Variants in ATP8A2 observed in about 807,000 individuals in gnomAD.
The protein encoded by ATP8A2 is phospholipid-transporting ATPase IB.
In ATP8A2, 100 loss-of-function variants were observed where a neutral mutation model predicts 165.6. The ratio of observed to expected loss-of-function variants is 0.60; its 90% CI spans 0.51 to 0.71. The LOEUF is 0.71. ATP8A2 is among the 30% of genes least tolerant of loss of function. The pLI is 0.00. For missense variants in ATP8A2, 1,227 were observed against 1,479.5 expected (o/e 0.83, Z 2.80); for synonymous variants, 543 against 548.8 (o/e 0.99, Z 0.15).
intron 2 of ATP8A2, among the ~76,000 whole-genome samples, chr13:25,526,381 G>A (rs983649118): frequency 6.6e-6 from 1 of 152,154 alleles, no homozygotes; most frequent in African/African-American, 2.4e-5. Context: ...GTATATGTTT[G>A]CATTGGAGAA....
At chr13:25,873,128 A>T (rs1952722527) in intron 33 of ATP8A2, among the ~76,000 whole-genome samples, 2 of 152,136 alleles carry the variant, frequency 1.3e-5, no homozygotes, top group Non-Finnish European at 2.9e-5. Context: ...CTCAGCCCAG[A>T]TCCTCCAGGT....
chr13:25,893,412 G>A (rs1210904356), intron 33 of ATP8A2, among the ~76,000 whole-genome samples: 1 of 151,356 alleles, frequency 6.6e-6, no homozygotes, highest in Non-Finnish European at 1.5e-5. Context: ...AGTATTCCAT[G>A]GTGTATATGT....
At chr13:25,541,861 TG>T in intron 8 of ATP8A2, 57 bp from the exon 9 acceptor site, 1 of 1,590,654 alleles carries the variant, frequency 6.3e-7, no homozygotes, top group South Asian at 1.1e-5. Context: ...GGATGCTGAA[TG>T]GTGTCCCTAA....
At chr13:25,982,551 T>A (rs1956191133) in intron 35 of ATP8A2, among the ~76,000 whole-genome samples, 1 of 152,224 alleles carries the variant, frequency 6.6e-6, no homozygotes, top group South Asian at 2.1e-4. Context: ...TGAGCTTTTT[T>A]ATTTGATAAC....
chr13:25,475,323 A>T (rs2035963432), intron 2 of ATP8A2, among the ~76,000 whole-genome samples: 1 of 152,138 alleles, frequency 6.6e-6, no homozygotes, highest in Non-Finnish European at 1.5e-5. Context: ...TCTCCCCCTC[A>T]TTCCACATTC....
intron 1 of ATP8A2, among the ~76,000 whole-genome samples, chr13:25,383,470 C>T (rs1566093555): frequency 6.6e-6 from 1 of 152,058 alleles, no homozygotes; most frequent in East Asian, 1.9e-4. Context: ...GATGCCAGTC[C>T]TTTATAAAAA....
intron 35 of ATP8A2, among the ~76,000 whole-genome samples, chr13:25,971,705 A>C: frequency 6.6e-6 from 1 of 152,252 alleles, no homozygotes; most frequent in South Asian, 2.1e-4. Flanking sequence ...CAAAGTGGCC[A>C]CAGAGAGATG....
chr13:25,758,458 CTT>C (rs2044310381), intron 25 of ATP8A2, among the ~76,000 whole-genome samples: 1 of 152,216 alleles, frequency 6.6e-6, no homozygotes, highest in South Asian at 2.1e-4. Flanking sequence ...TCAGATCAGA[CTT>C]TGTCCAAGGA....
At chr13:25,956,653 C>T (rs1299060722) in intron 33 of ATP8A2, among the ~76,000 whole-genome samples, 1 of 152,184 alleles carries the variant, frequency 6.6e-6, no homozygotes, top group East Asian at 1.9e-4. Context: ...ATTCCATGCT[C>T]ATGGATAGGA....
chr13:25,412,134 G>A (rs113846784), intron 1 of ATP8A2, among the ~76,000 whole-genome samples: 1,768 of 152,254 alleles, frequency 0.012, 31 homozygotes, highest in African/African-American at 0.041. Context: ...CTCAGAGACA[G>A]GCAGGCATCC....
At chr13:25,859,469 A>G (rs1952277099) in intron 30 of ATP8A2, among the ~76,000 whole-genome samples, 1 of 152,190 alleles carries the variant, frequency 6.6e-6, no homozygotes, top group African/African-American at 2.4e-5. Context: ...AGGATAAAAA[A>G]CAGACTTCTC....
chr13:25,854,263 C>T (rs545321072), intron 30 of ATP8A2, among the ~76,000 whole-genome samples: 3 of 152,336 alleles, frequency 2.0e-5, no homozygotes, highest in South Asian at 2.1e-4. Context: ...TATCTACATA[C>T]TCCAGCCAAA....
At chr13:25,437,773 A>G (rs2034820308) in intron 1 of ATP8A2, among the ~76,000 whole-genome samples, 1 of 152,202 alleles carries the variant, frequency 6.6e-6, no homozygotes, top group African/African-American at 2.4e-5. Context: ...TCTGAAGTCT[A>G]AAGAATAGGT....
intron 24 of ATP8A2, among the ~76,000 whole-genome samples, chr13:25,650,046 G>A (rs890652765): frequency 1.3e-5 from 2 of 152,220 alleles, no homozygotes; most frequent in Non-Finnish European, 2.9e-5. Context: ...TGCTAGGGAA[G>A]CTGGATATTT....
At chr13:25,702,223 G>A (rs1381550756) in intron 25 of ATP8A2, among the ~76,000 whole-genome samples, 1 of 152,062 alleles carries the variant, frequency 6.6e-6, no homozygotes, top group Non-Finnish European at 1.5e-5. Flanking sequence ...AAAATAACTG[G>A]TCTATGAAAT....
At chr13:25,605,724 G>A (rs549802189) in intron 24 of ATP8A2, among the ~76,000 whole-genome samples, 1 of 152,170 alleles carries the variant, frequency 6.6e-6, no homozygotes, top group South Asian at 2.1e-4. Flanking sequence ...GCTGCAGCTC[G>A]GTTTTAGAGA....
intron 2 of ATP8A2, among the ~76,000 whole-genome samples, chr13:25,483,442 T>C (rs2036264272): frequency 6.6e-6 from 1 of 152,164 alleles, no homozygotes; most frequent in Non-Finnish European, 1.5e-5. Flanking sequence ...GGTTGCGTCA[T>C]GAAGGAGCTC....
chr13:25,409,854 A>G (rs1412350406), intron 1 of ATP8A2, among the ~76,000 whole-genome samples: 2 of 152,126 alleles, frequency 1.3e-5, no homozygotes, highest in East Asian at 3.9e-4. Flanking sequence ...AAATGTAGCT[A>G]TCAGAAATGA....
rs1172256300 is a variant in ATP8A2 at position 25,464,250 on chromosome 13, C to A, written c.77-4727C>A. ...ATAGGAATTTGTCCCTCCTCTTTAA[C>A]CCTTTTTGCTTTTCCATCTTATAGG... On this transcript the variant is annotated intron_variant, in intron 1 of 36. Coordinates refer to ENST00000381655, the MANE Select transcript of ATP8A2 (RefSeq NM_016529.6). Among the ~76,000 whole-genome samples the A allele has an allele frequency of 2.6e-5, 4 of 152,174 alleles. No individual in the cohort carries two copies. In the South Asian group the frequency reaches 6.2e-4, roughly 24 times the overall value.
Sources: gnomAD v4.1 joint callset for allele counts (sites outside exome capture counted in the v4.1 genomes callset) on GRCh38, gnomAD v4.1.1 for gene constraint, MANE v1.5 for transcripts, NCBI Gene and HGNC (gene_info 2026-07-23, HGNC 2026-07-21) for gene names.